Variants in ARPC2 observed in about 807,000 individuals in gnomAD.
ARPC2 encodes the protein actin related protein 2/3 complex subunit 2.
ARPC2 carries 4 observed loss-of-function variants against 38.6 expected under a neutral mutation model. The ratio of observed to expected loss-of-function variants is 0.10; its 90% CI spans 0.05 to 0.24. The LOEUF is 0.24. Among genes scored for constraint, ARPC2 ranks in the 10% least tolerant of loss-of-function variants. The probability of loss-of-function intolerance (pLI) is 1.00; values close to 1 mark genes in which losing one functional copy is unlikely to be tolerated. For missense variants in ARPC2, 229 were observed against 387.3 expected (o/e 0.59, Z 3.43); for synonymous variants, 125 against 140.8 (o/e 0.89, Z 0.79).
At position 218,234,466 on chromosome 2, in the gene ARPC2, T is replaced by G. The variant is rs978212795; in HGVS notation, c.268+69T>G. On this transcript the variant is annotated intron_variant, in intron 5 of 10. Coordinates refer to ENST00000315717, the MANE Select transcript of ARPC2 (RefSeq NM_152862.3). The stretch of plus-strand genomic sequence containing the variant: ...GGTGTCCTTTTTATATTATGCTTTT[T>G]TTACCCAAAGGATTTCGTTTAAATA... The G allele has an allele frequency of 2.4e-6, 3 of 1,238,070 alleles. No individual in the cohort carries two copies. The African/African-American group carries it at 4.6e-5, about 19-fold the overall frequency. The allele number at this position is 1,238,070 out of a possible 1,614,324, so 76.7% of individuals were successfully genotyped here.
At chr2:218,247,725 C>T (rs1212868551) in intron 8 of ARPC2, among the ~76,000 whole-genome samples, 6 of 152,040 alleles carry the variant, frequency 3.9e-5, no homozygotes, top group African/African-American at 1.4e-4. Flanking sequence ...AAGTGGATCA[C>T]GATGTCAGGA....
chr2:218,232,666 T>C (rs1689665742), intron 4 of ARPC2, among the ~76,000 whole-genome samples: 2 of 150,406 alleles, frequency 1.3e-5, no homozygotes, highest in African/African-American at 4.9e-5. Context: ...GCCTCCCGGG[T>C]TCACGCCATT....
chr2:218,253,037 G>A (rs999469979), intron 10 of ARPC2: 1 of 456,054 alleles, frequency 2.2e-6, no homozygotes, highest in Non-Finnish European at 4.4e-6. Flanking sequence ...CTAATGGTGG[G>A]TAGGAGTTAA....
intron 10 of ARPC2, among the ~76,000 whole-genome samples, chr2:218,250,555 C>T (rs1409647791): frequency 1.3e-5 from 2 of 151,760 alleles, no homozygotes; most frequent in Non-Finnish European, 1.5e-5. Context: ...GTCCCGGCTA[C>T]TCGGGAGGCT....
In ARPC2 at chr2:218,228,718, C is replaced by G. The variant is rs1470372555; in HGVS notation, c.110-20C>G. The G allele has an allele frequency of 4.8e-6, 7 of 1,458,296 alleles. No individual in the cohort carries two copies. Among genetic ancestry groups the G allele is most frequent in the Non-Finnish European group, 6.7e-6 (7 of 1,039,520 alleles). 90.3% of individuals were successfully genotyped at this position (1,458,296 alleles called of 1,614,324 possible). On this transcript the variant is annotated intron_variant, in intron 3 of 10. Coordinates refer to ENST00000315717, the MANE Select transcript of ARPC2 (RefSeq NM_152862.3). ...TCCCATTCCCAAATTGTTACGCAAT[C>G]TTATTTGCTTTCCTCACAGATTTCG...
intron 10 of ARPC2, among the ~76,000 whole-genome samples, chr2:218,253,456 C>G (rs550839173): frequency 1.3e-5 from 2 of 152,304 alleles, no homozygotes; most frequent in South Asian, 4.1e-4. Flanking sequence ...CAGCCACCTG[C>G]CTTCATGGTG....
At chr2:218,224,173 A>AT (rs1307070070) in intron 2 of ARPC2, among the ~76,000 whole-genome samples, 1 of 152,230 alleles carries the variant, frequency 6.6e-6, no homozygotes, top group African/African-American at 2.4e-5. Context: ...TGTGCTCAGG[A>AT]TACTTTATGC....
chr2:218,232,823 G>A (rs989774567), intron 4 of ARPC2, among the ~76,000 whole-genome samples: 48 of 151,916 alleles, frequency 3.2e-4, no homozygotes, highest in Non-Finnish European at 8.8e-5. Context: ...TGATCACCCC[G>A]CCTCGGCCTC....
chr2:218,217,592 C>G (rs907320585), intron 2 of ARPC2, 48 bp downstream of exon 2: 8 of 1,536,596 alleles, frequency 5.2e-6, no homozygotes, highest in Non-Finnish European at 7.1e-6. Flanking sequence ...CAGAGTTGAC[C>G]CCAGCTAATC....
intron 2 of ARPC2, among the ~76,000 whole-genome samples, chr2:218,218,773 T>C (rs2106140932): frequency 6.6e-6 from 1 of 152,334 alleles, no homozygotes; most frequent in Admixed American, 6.5e-5. Flanking sequence ...GAATATATAG[T>C]ATGTCCTGTC....
intron 8 of ARPC2, 109 bp downstream of exon 8, chr2:218,245,655 G>A (rs1690014019): frequency 6.9e-7 from 1 of 1,451,432 alleles, no homozygotes. Flanking sequence ...GCAAACGCAG[G>A]CATACCAACT....
chr2:218,247,356 A>G (rs921875091), intron 8 of ARPC2, among the ~76,000 whole-genome samples: 4 of 152,226 alleles, frequency 2.6e-5, no homozygotes, highest in Non-Finnish European at 4.4e-5. Flanking sequence ...ACTGCACCCA[A>G]TGCCACTGGA....
intron 2 of ARPC2, among the ~76,000 whole-genome samples, chr2:218,225,474 C>G (rs1311991430): frequency 6.6e-6 from 1 of 152,122 alleles, no homozygotes; most frequent in African/African-American, 2.4e-5. Flanking sequence ...GTTTATGGCC[C>G]GAAATCATCC....
rs536676363 is a variant in ARPC2, at chr2:218,243,698, C to T, written c.550-1722C>T. 2.6e-5 allele frequency among the ~76,000 whole-genome samples: 4 copies of T among 152,270 alleles called. No individual in the cohort carries two copies. In the East Asian group the frequency reaches 7.7e-4, roughly 29 times the overall value. On this transcript the variant is annotated intron_variant, in intron 7 of 10. Coordinates refer to ENST00000315717, the MANE Select transcript of ARPC2 (RefSeq NM_152862.3). ...GGCTGACACATGAAAATCACTTGAACCTAGGAGGTGGAGGTTGCAGTGAGC... is the reference window on the plus strand; with the variant it reads ...GGCTGACACATGAAAATCACTTGAATCTAGGAGGTGGAGGTTGCAGTGAGC...
At chr2:218,246,218 C>CAA (rs147821442) in intron 8 of ARPC2, among the ~76,000 whole-genome samples, 35 of 116,306 alleles carry the variant, frequency 3.0e-4, no homozygotes, top group African/African-American at 7.7e-4. Flanking sequence ...CTCTTGTCTC[C>CAA]AAAAAAAAAA....
At chr2:218,226,836 A>G (rs936304613) in intron 3 of ARPC2, among the ~76,000 whole-genome samples, 4 of 151,894 alleles carry the variant, frequency 2.6e-5, no homozygotes, top group Non-Finnish European at 5.9e-5. Flanking sequence ...TAATTTGGAA[A>G]TATTACATTA....
chr2:218,243,767 C>T (rs558726882), intron 7 of ARPC2, among the ~76,000 whole-genome samples: 4 of 152,302 alleles, frequency 2.6e-5, no homozygotes, highest in Non-Finnish European at 4.4e-5. Context: ...CAGAGTGAGA[C>T]CCTGTCTCAA....
chr2:218,240,228 C>T (rs557821148), intron 7 of ARPC2, among the ~76,000 whole-genome samples: 5 of 152,278 alleles, frequency 3.3e-5, no homozygotes, highest in African/African-American at 9.6e-5. Context: ...GCTGGGATTG[C>T]AGGCATGAGC....
chr2:218,226,989 T>C (rs1446915074), intron 3 of ARPC2: 1 of 456,698 alleles, frequency 2.2e-6, no homozygotes, highest in East Asian at 6.9e-5. Context: ...TACTATTTAC[T>C]TGTTAGGTGA....
Sources: allele counts gnomAD v4.1 joint callset (sites outside exome capture counted in the v4.1 genomes callset), GRCh38; gene constraint gnomAD v4.1.1; transcripts MANE v1.5; gene names NCBI Gene and HGNC (gene_info 2026-07-23, HGNC 2026-07-21).